EML6: variants seen among roughly 807,000 people sequenced by gnomAD.
EML6 encodes the protein EMAP like 6.
In EML6, 154 loss-of-function variants were observed where a neutral mutation model predicts 240.1. The observed-to-expected ratio is 0.64, with a 90% CI of 0.56 to 0.73. EML6 has a LOEUF of 0.73. Among genes scored for constraint, EML6 ranks in the 30% least tolerant of loss-of-function variants. The pLI, the probability that EML6 is intolerant of heterozygous loss-of-function variation, is 0.00. For missense variants in EML6, 2,964 were observed against 2,474.6 expected, an observed-to-expected ratio of 1.20 and a Z score of -4.20; for synonymous variants, 1,148 against 899.0, an observed-to-expected ratio of 1.28 and a Z score of -4.95.
intron 15 of EML6, among the ~76,000 whole-genome samples, chr2:54,871,160 G>C (rs1671236856): frequency 6.6e-6 from 1 of 152,184 alleles, no homozygotes; most frequent in South Asian, 2.1e-4. Flanking sequence ...CCCTGACTGA[G>C]AAGCAGAATC....
chr2:54,912,934 A>G (rs1375655695), intron 25 of EML6, among the ~76,000 whole-genome samples: 1 of 152,130 alleles, frequency 6.6e-6, no homozygotes, highest in Non-Finnish European at 1.5e-5. Context: ...CAGTAATGGT[A>G]TTGCTGAGTA....
chr2:54,826,110 C>G (rs1668578677), intron 5 of EML6, among the ~76,000 whole-genome samples: 1 of 152,154 alleles, frequency 6.6e-6, no homozygotes, highest in Admixed American at 6.5e-5. Flanking sequence ...TCAGAGTTGT[C>G]AAAGCAAAGA....
chr2:54,776,763 A>G (rs1394904362), intron 2 of EML6, among the ~76,000 whole-genome samples: 1 of 152,040 alleles, frequency 6.6e-6, no homozygotes, highest in Admixed American at 6.6e-5. Flanking sequence ...TTCTAACTCA[A>G]CCTTGGATAT....
At chr2:54,968,590 T>G in intron 40 of EML6, 78 bp from the exon 41 acceptor site, 1 of 847,034 alleles carries the variant, frequency 1.2e-6, no homozygotes, top group Non-Finnish European at 2.0e-6. Flanking sequence ...GAGCAGGGGA[T>G]TTGAGTGCTG....
intron 17 of EML6, chr2:54,879,922 A>G (rs1262822541): frequency 3.3e-6 from 1 of 304,182 alleles, no homozygotes; most frequent in African/African-American, 2.2e-5. Context: ...AAAGCACTTC[A>G]GCAATAGAAA....
chr2:54,830,531 G>A lies in EML6; in HGVS notation c.847+1054G>A, dbSNP rs564928919. ...TGAAACGAGTTGTTTCTCCTGGGCT[G>A]TTCCTCATGAAGCCCCCGCTGTGTG... On this transcript the variant is annotated intron_variant, in intron 7 of 41. Coordinates refer to ENST00000356458, the MANE Select transcript of EML6 (RefSeq NM_001039753.4). Among the ~76,000 whole-genome samples, 3 of 152,314 alleles carry A rather than the reference G, an allele frequency of 2.0e-5. No individual in the cohort carries two copies. In the East Asian group the frequency reaches 5.8e-4, roughly 29 times the overall value.
chr2:54,755,695 CT>C (rs1667687496), intron 2 of EML6, among the ~76,000 whole-genome samples: 1 of 152,020 alleles, frequency 6.6e-6, no homozygotes, highest in Admixed American at 6.6e-5. Flanking sequence ...GGGTTTGGCT[CT>C]GTTACTCAGA....
At chr2:54,949,318 C>T (rs948305754) in intron 29 of EML6, among the ~76,000 whole-genome samples, 34 of 152,186 alleles carry the variant, frequency 2.2e-4, no homozygotes, top group African/African-American at 1.4e-4. Context: ...ACATATTCAC[C>T]GTCTCTAATG....
chr2:54,945,860 G>A lies in EML6; in HGVS notation c.4005-3022G>A, dbSNP rs1366912889. Among the ~76,000 whole-genome samples, 4 of 152,214 alleles carry A rather than the reference G, an allele frequency of 2.6e-5. No homozygotes were observed. The South Asian group carries it at 8.3e-4, about 32-fold the overall frequency. ...CTTTCTCTTCAGCAGCCCAGCGCTG[G>A]GCAGTGGGATGACAGCAGGAATTGG... On this transcript the variant is annotated intron_variant, in intron 28 of 41. Transcript: ENST00000356458.
Position 54,835,265 on chromosome 2 carries a change from A to G in EML6, c.847+5788A>G, listed in dbSNP as rs111252861. ...TAATTTCTGTGTTATGTTCTTGGCT[A>G]TTGTCTGTTTCCACAAAGGTAGGGA... On this transcript the variant is annotated intron_variant, in intron 7 of 41. Coordinates refer to ENST00000356458, the MANE Select transcript of EML6 (RefSeq NM_001039753.4). 3.2e-4 allele frequency among the ~76,000 whole-genome samples: 48 copies of G among 152,210 alleles called. 1 individual carries two copies. Among genetic ancestry groups the G allele is most frequent in the African/African-American group, 1.0e-3 (43 of 41,532 alleles).
At chr2:54,812,568 C>G (rs1214706500) in intron 2 of EML6, among the ~76,000 whole-genome samples, 1 of 151,876 alleles carries the variant, frequency 6.6e-6, no homozygotes, top group East Asian at 1.9e-4. Flanking sequence ...TCAACGGCTA[C>G]TGACTCCTTA....
At chr2:54,920,127 A>G (rs1478409758) in intron 26 of EML6, among the ~76,000 whole-genome samples, 1 of 152,150 alleles carries the variant, frequency 6.6e-6, no homozygotes, top group Non-Finnish European at 1.5e-5. Flanking sequence ...CTAGGAAAAG[A>G]AGACCAAACT....
intron 24 of EML6, among the ~76,000 whole-genome samples, chr2:54,905,802 G>A (rs1280584908): frequency 1.3e-5 from 2 of 152,158 alleles, no homozygotes; most frequent in Non-Finnish European, 2.9e-5. Flanking sequence ...TTTCTATAAT[G>A]GGCTTATTCC....
intron 2 of EML6, among the ~76,000 whole-genome samples, chr2:54,733,356 T>C (rs1156522602): frequency 1.3e-5 from 2 of 152,196 alleles, no homozygotes; most frequent in Non-Finnish European, 2.9e-5. Context: ...AAAACAAGAC[T>C]CACAAATGAC....
chr2:54,890,448 C>T (rs1672404932), intron 17 of EML6, among the ~76,000 whole-genome samples: 1 of 152,172 alleles, frequency 6.6e-6, no homozygotes, highest in Non-Finnish European at 1.5e-5. Context: ...GAACTTTGCA[C>T]TTATGTTTGT....
chr2:54,959,267 C>T lies in EML6; in HGVS notation c.4853+6C>T, dbSNP rs144320419. The T allele has an allele frequency of 2.1e-3, 3,175 of 1,521,574 alleles. 9 individuals carry two copies. Among genetic ancestry groups the T allele is most frequent in the Middle Eastern group, 3.4e-3 (20 of 5,832 alleles). 94.3% of individuals were successfully genotyped at this position (1,521,574 alleles called of 1,614,324 possible). On this transcript the variant is annotated splice_donor_region_variant and intron_variant, in intron 34 of 41. Transcript: ENST00000356458. ...ACCGGCGGAAAAGAGAGGCCGTAAG[C>T]CAAAGCTCCTATGGAAACAACTTGT...
intron 2 of EML6, among the ~76,000 whole-genome samples, chr2:54,745,972 C>G (rs1230394149): frequency 6.6e-6 from 1 of 152,134 alleles, no homozygotes; most frequent in African/African-American, 2.4e-5. Flanking sequence ...GAGCGAAAGA[C>G]TCTGCATGTG....
chr2:54,740,205 TGA>T (rs1186171194), intron 2 of EML6, among the ~76,000 whole-genome samples: 1 of 151,792 alleles, frequency 6.6e-6, no homozygotes, highest in East Asian at 1.9e-4. Flanking sequence ...TAGGAGTGGG[TGA>T]GATACCCAGA....
rs1558729610 is a variant in EML6, at chr2:54,961,189, T to TTTTTTTTTTTG, written c.4968+865_4968+866insGTTTTTTTTTT. Among the ~76,000 whole-genome samples, 545 of 108,074 alleles carry TTTTTTTTTTTG rather than the reference T, an allele frequency of 5.0e-3. 73 individuals are homozygous for TTTTTTTTTTTG. The highest frequency in any genetic ancestry group is 0.019 in the African/African-American group (510 of 26,716). 70.9% of individuals were successfully genotyped at this position (108,074 alleles called of 152,430 possible). ...CTGGAAGTTATCAGGAAGTAGTTTTTTTTTTTTTTTTTTTGAGACGGAGTC... is the reference window on the plus strand; with the variant it reads ...CTGGAAGTTATCAGGAAGTAGTTTTTTTTTTTTTTTGTTTTTTTTTTTTTTGAGACGGAGTC... On this transcript the variant is annotated intron_variant, in intron 35 of 41. Transcript: ENST00000356458.
Sources: allele counts gnomAD v4.1 joint callset (sites outside exome capture counted in the v4.1 genomes callset), GRCh38; gene constraint gnomAD v4.1.1; transcripts MANE v1.5; gene names NCBI Gene and HGNC (gene_info 2026-07-23, HGNC 2026-07-21).